Variants in MAML3 observed in about 807,000 individuals in gnomAD.
MAML3 encodes the protein mastermind like transcriptional coactivator 3.
Under a neutral mutation model 101.9 loss-of-function variants are expected in MAML3, and 27 were observed. The ratio of observed to expected loss-of-function variants is 0.27; its 90% confidence interval spans 0.20 to 0.37. MAML3 has a LOEUF of 0.37. Ranked by LOEUF, MAML3 falls within the 10% of genes least tolerant of loss-of-function variation. MAML3 has a pLI of 1.00. For synonymous variants in MAML3, 501 were observed against 555.9 expected (o/e 0.90, Z 1.39); for missense variants, 1,316 against 1,444.9 (o/e 0.91, Z 1.45).
rs1463234950 is a variant in MAML3 at position 139,918,286 on chromosome 4, G to A, written c.469-27319C>T. On this transcript the variant is annotated intron_variant, in intron 1 of 4. Coordinates refer to ENST00000509479, the MANE Select transcript of MAML3 (RefSeq NM_018717.5). ...TGAAAGTCAAACTTGCCTAAGAGGC[G>A]CTGGATGGTCTGGTGTCTCCCAGCT... Among the ~76,000 whole-genome samples, 4 of 152,242 alleles carry A rather than the reference G, an allele frequency of 2.6e-5. No individual in the cohort carries two copies. The East Asian group carries it at 5.8e-4, about 22-fold the overall frequency.
chr4:140,051,435 T>C (rs1460393319), intron 1 of MAML3, among the ~76,000 whole-genome samples: 2 of 151,922 alleles, frequency 1.3e-5, no homozygotes, highest in African/African-American at 4.8e-5. Flanking sequence ...TACATGCCTG[T>C]AATCCCAGCT....
intron 1 of MAML3, among the ~76,000 whole-genome samples, chr4:140,026,540 C>T (rs1457585847): frequency 1.3e-5 from 2 of 152,172 alleles, no homozygotes; most frequent in African/African-American, 4.8e-5. Context: ...AGCCCTGAGC[C>T]ACCACATCTG....
rs70943471 is a variant in MAML3, at chr4:140,060,365, C to CAAAAAAAAAAAAA, written c.468+92482_468+92494dup. ...TGGGCGACAGAGTAAGACTCTGTCT[C>CAAAAAAAAAAAAA]AAAAAAAAAAAAAAAAAAAAGTCAC... On this transcript the variant is annotated intron_variant, in intron 1 of 4. Transcript: ENST00000509479. 8.2e-3 allele frequency among the ~76,000 whole-genome samples: 157 copies of CAAAAAAAAAAAAA among 19,112 alleles called. 52 individuals are homozygous for CAAAAAAAAAAAAA. The highest frequency in any genetic ancestry group is 0.027 in the East Asian group (13 of 476). 12.5% of individuals were successfully genotyped at this position (19,112 alleles called of 152,430 possible).
intron 2 of MAML3, among the ~76,000 whole-genome samples, chr4:139,842,805 G>T (rs1220616213): frequency 1.4e-5 from 1 of 73,058 alleles, no homozygotes; most frequent in African/African-American, 5.6e-5. Flanking sequence ...TTGAGACAGA[G>T]TCTCACTCTG....
At chr4:140,138,352 G>A (rs187669344) in intron 1 of MAML3, among the ~76,000 whole-genome samples, 1 of 152,238 alleles carries the variant, frequency 6.6e-6, no homozygotes, top group East Asian at 1.9e-4. Flanking sequence ...GAAAATGAAC[G>A]TGAAAAAATC....
At chr4:139,886,555 G>A (rs1352001758) in intron 2 of MAML3, among the ~76,000 whole-genome samples, 3 of 151,880 alleles carry the variant, frequency 2.0e-5, no homozygotes, top group Non-Finnish European at 4.4e-5. Context: ...TCACAATTTG[G>A]ATTGTAACAT....
intron 2 of MAML3, among the ~76,000 whole-genome samples, chr4:139,868,261 G>A (rs1010491233): frequency 6.6e-6 from 1 of 152,176 alleles, no homozygotes; most frequent in Non-Finnish European, 1.5e-5. Context: ...AATCTGCAAG[G>A]CATACTACCT....
intron 2 of MAML3, among the ~76,000 whole-genome samples, chr4:139,772,005 C>A (rs1434363214): frequency 6.6e-6 from 1 of 150,544 alleles, no homozygotes; most frequent in South Asian, 2.1e-4. Context: ...TTTGGGAGGC[C>A]GAGGTGGGCG....
At chr4:140,113,147 CGGG>C (rs1728465776) in intron 1 of MAML3, among the ~76,000 whole-genome samples, 1 of 151,918 alleles carries the variant, frequency 6.6e-6, no homozygotes, top group Non-Finnish European at 1.5e-5. Flanking sequence ...GGCATGGTGG[CGGG>C]TGCCTGTAGT....
At chr4:139,778,262 C>T (rs1385848154) in intron 2 of MAML3, among the ~76,000 whole-genome samples, 1 of 152,170 alleles carries the variant, frequency 6.6e-6, no homozygotes, top group Admixed American at 6.5e-5. Context: ...TTTATACCAC[C>T]ATGGACTAGA....
At chr4:139,933,563 C>A (rs1733445502) in intron 1 of MAML3, among the ~76,000 whole-genome samples, 1 of 152,178 alleles carries the variant, frequency 6.6e-6, no homozygotes, top group Admixed American at 6.5e-5. Context: ...ACAAAAAGGT[C>A]TTTTTCTGGG....
At chr4:140,047,310 C>T (rs928143764) in intron 1 of MAML3, among the ~76,000 whole-genome samples, 1 of 152,124 alleles carries the variant, frequency 6.6e-6, no homozygotes, top group African/African-American at 2.4e-5. Context: ...GCTTGGCTGG[C>T]TGAGTTAGGA....
chr4:140,148,502 G>A (rs1729100871), intron 1 of MAML3, among the ~76,000 whole-genome samples: 1 of 152,194 alleles, frequency 6.6e-6, no homozygotes, highest in South Asian at 2.1e-4. Flanking sequence ...TGCTGTGTTG[G>A]GCAATGGAAA....
At chr4:139,732,574 C>G (rs1278049561) in intron 2 of MAML3, among the ~76,000 whole-genome samples, 1 of 21,000 alleles carries the variant, frequency 4.8e-5, no homozygotes, top group Admixed American at 6.9e-4. Flanking sequence ...AACTAGAACG[C>G]TATTTTTTTT....
intron 1 of MAML3, among the ~76,000 whole-genome samples, chr4:140,145,475 A>C (rs1319033100): frequency 6.6e-6 from 1 of 152,240 alleles, no homozygotes; most frequent in African/African-American, 2.4e-5. Context: ...GTCCAATATA[A>C]TTAAAAGGTG....
At chr4:139,803,318 G>T (rs1050898088) in intron 2 of MAML3, among the ~76,000 whole-genome samples, 2 of 152,122 alleles carry the variant, frequency 1.3e-5, no homozygotes, top group Non-Finnish European at 1.5e-5. Context: ...AGATTTAAAA[G>T]AATTTTTTAA....
intron 1 of MAML3, among the ~76,000 whole-genome samples, chr4:140,066,481 T>C (rs6835264): frequency 0.97 from 148,319 of 152,252 alleles, 72,352 homozygotes; most frequent in East Asian, 1. Flanking sequence ...AAACCCAGAG[T>C]GCTCCCTAAT....
Position 139,720,069 on chromosome 4 carries a change from T to A in MAML3, c.2671A>T (p.Ser891Cys), listed in dbSNP as rs1728169054. 6.2e-7 allele frequency: 1 copy of A among 1,614,090 alleles called. No homozygotes were observed. Among genetic ancestry groups the A allele is most frequent in the Non-Finnish European group, 8.5e-7 (1 of 1,179,916 alleles). Residue 891 changes from serine to cysteine, a missense_variant, in exon 5 of 5, where the codon AGC becomes TGC. By Grantham distance (112) the Ser-to-Cys change is moderately radical. Transcript: ENST00000509479. ...MLQHPNQSGM[S>C]ITHNQAQGPR... ...CCCTGGGCTTGGTTATGTGTGATGC[T>A]CATGCCACTTTGGTTTGGATGCTGC...
chr4:139,772,240 CAAAAAAAAAAAAA>C (rs1213721738), intron 2 of MAML3, among the ~76,000 whole-genome samples: 7 of 39,272 alleles, frequency 1.8e-4, no homozygotes, highest in African/African-American at 7.4e-4. Context: ...ACTCCGTTCT[CAAAAAAAAAAAAA>C]AAAAAAAAAA....
Sources: allele counts gnomAD v4.1 joint callset (sites outside exome capture counted in the v4.1 genomes callset), GRCh38; gene constraint gnomAD v4.1.1; transcripts MANE v1.5; gene names NCBI Gene and HGNC (gene_info 2026-07-23, HGNC 2026-07-21).